The following PKHD1L1 variants were observed in gnomAD, a reference collection of about 807,000 sequenced individuals.
PKHD1L1 encodes PKHD1 like 1.
PKHD1L1 carries 434 observed loss-of-function variants against 462.9 expected under a neutral mutation model. The ratio of observed to expected loss-of-function variants is 0.94; its 90% CI spans 0.87 to 1.02. The LOEUF (loss-of-function observed/expected upper bound fraction) is 1.02, where lower values mean the gene tolerates loss of function less well. Ranked by LOEUF, PKHD1L1 falls within the 50% of genes least tolerant of loss-of-function variation. The pLI, the probability that PKHD1L1 is intolerant of heterozygous loss-of-function variation, is 0.00. For missense variants in PKHD1L1, 5,202 were observed against 5,096.1 expected (o/e 1.02, Z -0.63); for synonymous variants, 1,781 against 1,750.0 (o/e 1.02, Z -0.44).
intron 63 of PKHD1L1, among the ~76,000 whole-genome samples, chr8:109,495,242 C>T (rs1050803805): frequency 6.6e-6 from 1 of 151,986 alleles, no homozygotes; most frequent in Non-Finnish European, 1.5e-5. Flanking sequence ...TTCCCAACCA[C>T]TTAAAGTGGC....
Position 109,491,898 on chromosome 8 carries a change from C to A in PKHD1L1, c.10140C>A (p.Asn3380Lys), listed in dbSNP as rs773908905. 1 of 1,603,800 alleles carries A rather than the reference C, an allele frequency of 6.2e-7. No individual in the cohort carries two copies. Among genetic ancestry groups the A allele is most frequent in the Non-Finnish European group, 8.5e-7 (1 of 1,172,762 alleles). Residue 3380 changes from asparagine (N) to lysine (K), a missense_variant, in exon 62 of 78, where the codon AAC becomes AAA. Physicochemically the swap from Asn to Lys is moderately conservative, Grantham distance 94 (BLOSUM62 0). Transcript: ENST00000378402. ...GCATAAGAATATGGGGGAATGCCAA[C>A]CGAGTCCGAGGGAATTTGATTGCAC... ...GEGIRIWGNA[N>K]RVRGNLIALS...
At chr8:109,454,600 T>C (rs1222411866) in intron 44 of PKHD1L1, 123 bp from the exon 45 acceptor site, 1 of 1,366,130 alleles carries the variant, frequency 7.3e-7, no homozygotes, top group East Asian at 2.3e-5. Context: ...AAGAAAGATA[T>C]GAACAACTGA....
chr8:109,392,537 A>G (rs1383445221), intron 9 of PKHD1L1, among the ~76,000 whole-genome samples: 1 of 152,012 alleles, frequency 6.6e-6, no homozygotes, highest in East Asian at 1.9e-4. Flanking sequence ...CCCTTTGTAC[A>G]AATGTCTTAG....
chr8:109,489,124 T>C (rs1818699267), intron 59 of PKHD1L1, among the ~76,000 whole-genome samples: 1 of 152,012 alleles, frequency 6.6e-6, no homozygotes, highest in Admixed American at 6.6e-5. Flanking sequence ...CTCAACCATG[T>C]ATAGAAGAAT....
At chr8:109,370,961 A>G (rs1811476235) in intron 2 of PKHD1L1, among the ~76,000 whole-genome samples, 1 of 152,198 alleles carries the variant, frequency 6.6e-6, no homozygotes, top group African/African-American at 2.4e-5. Context: ...TAGTGCCGCA[A>G]TAAACATACG....
chr8:109,444,710 C>T lies in PKHD1L1; in HGVS notation c.4841C>T (p.Ser1614Leu). 6.2e-7 allele frequency: 1 copy of T among 1,613,764 alleles called. No individual in the cohort carries two copies. The highest frequency in any genetic ancestry group is 8.5e-7 in the Non-Finnish European group (1 of 1,179,694). ...GTCGTAGAAGAAAGTAGTGAGGATT[C>T]AATTACATGTCATATTGACCCTCAA... is the stretch of plus-strand genomic sequence containing the variant. ...PCVVEESSED[S>L]ITCHIDPQNS... Residue 1614 changes from serine to leucine, a missense_variant, in exon 38 of 78, where the codon TCA becomes TTA. Physicochemically the swap from Ser to Leu is moderately radical, Grantham distance 145 (BLOSUM62 -2). This residue lies in a region of PKHD1L1 where 4,497 missense variants were observed against 4,336.8 expected (regional missense o/e 1.04). Coordinates refer to ENST00000378402, the MANE Select transcript of PKHD1L1 (RefSeq NM_177531.6).
chr8:109,507,551 G>A, intron 68 of PKHD1L1, 112 bp from the exon 69 acceptor site: 1 of 894,062 alleles, frequency 1.1e-6, no homozygotes, highest in South Asian at 1.7e-5. Flanking sequence ...AAATCTCTCT[G>A]AAATAAAATT....
chr8:109,504,600 T>TA (rs1819600443), intron 68 of PKHD1L1, 108 bp downstream of exon 68: 1 of 590,714 alleles, frequency 1.7e-6, no homozygotes, highest in Non-Finnish European at 2.8e-6. Flanking sequence ...TGCCAGTTTT[T>TA]ATGATACTTT....
At chr8:109,438,272 A>G in intron 30 of PKHD1L1, 52 bp from the exon 31 acceptor site, 2 of 1,289,340 alleles carry the variant, frequency 1.6e-6, no homozygotes, top group South Asian at 3.2e-5. Flanking sequence ...CATCCCTTGC[A>G]TTTCTGTATC....
In PKHD1L1 at chr8:109,412,300, C is replaced by T. The variant is rs953905499; in HGVS notation, c.2121C>T (p.Thr707=). The part of the protein sequence containing the change: ...HINRGQKTAE[T]DAYCGRYSLK... ...ACAGAGGGCAGAAGACAGCTGAAAC[C>T]GATGCTTACTGTGGTCGTTATTCCC... is the stretch of plus-strand genomic sequence containing the variant. Residue 707 remains threonine (T), a synonymous_variant, in exon 20 of 78, where the codon ACC becomes ACT. Transcript: ENST00000378402. The T allele has an allele frequency of 3.7e-6, 6 of 1,613,560 alleles. No homozygotes were observed. The highest frequency in any genetic ancestry group is 2.2e-5 in the East Asian group (1 of 44,886).
At chr8:109,390,955 AACTCATATTTATG>A (rs1188780547) in intron 9 of PKHD1L1, among the ~76,000 whole-genome samples, 12 of 152,208 alleles carry the variant, frequency 7.9e-5, no homozygotes, top group Admixed American at 4.6e-4. Context: ...CAATATTAAT[AACTCATATTTATG>A]ACTTCTAATA....
chr8:109,519,079 T>C (rs774551993), intron 73 of PKHD1L1, among the ~76,000 whole-genome samples: 5 of 152,058 alleles, frequency 3.3e-5, no homozygotes, highest in Non-Finnish European at 7.4e-5. Flanking sequence ...AGCAGTAGAT[T>C]GGTGGGTTAG....
At position 109,419,263 on chromosome 8, in the gene PKHD1L1, A is replaced by T. The variant is rs772205262; in HGVS notation, c.2524+3A>T. ...ATCTACAATCTCAACATTGGATGGT[A>T]TGTTGTATCATTTTATCTCTGCTTT... is the stretch of plus-strand genomic sequence containing the variant. On this transcript the variant is annotated splice_donor_region_variant and intron_variant, in intron 22 of 77. Transcript: ENST00000378402. The T allele has an allele frequency of 2.5e-6, 4 of 1,576,896 alleles. No homozygotes were observed. Among genetic ancestry groups the T allele is most frequent in the Non-Finnish European group, 3.5e-6 (4 of 1,158,444 alleles).
intron 21 of PKHD1L1, among the ~76,000 whole-genome samples, chr8:109,414,332 T>C (rs1814015367): frequency 1.3e-5 from 2 of 152,158 alleles, no homozygotes; most frequent in African/African-American, 4.8e-5. Flanking sequence ...AAGTGCACAG[T>C]TTAGTGAGTT....
Position 109,466,603 on chromosome 8 carries a change from A to G in PKHD1L1, c.8439A>G (p.Pro2813=). 1.2e-6 allele frequency: 2 copies of G among 1,604,912 alleles called. No individual in the cohort carries two copies. The highest frequency in any genetic ancestry group is 1.7e-6 in the Non-Finnish European group (2 of 1,175,790). The change falls in exon 50 of 78, where the codon CCA becomes CCG. Residue 2813 remains proline, a synonymous_variant. Coordinates refer to ENST00000378402, the MANE Select transcript of PKHD1L1 (RefSeq NM_177531.6). ...LTGHKGHTVI[P]HSSLLDPSHC... ...GGCACAAAGGACATACCGTCATTCC[A>G]CACAGCTCATTGCTAGACCCTTCTC...
intron 29 of PKHD1L1, among the ~76,000 whole-genome samples, chr8:109,435,895 A>C (rs915126184): frequency 2.6e-5 from 4 of 151,944 alleles, no homozygotes; most frequent in Non-Finnish European, 5.9e-5. Flanking sequence ...ACATTATTTC[A>C]TCGCTTATTT....
rs371642363 is a variant in PKHD1L1, at chr8:109,504,493, G to A, written c.10994+1G>A. 14 of 1,455,440 alleles carry A rather than the reference G, an allele frequency of 9.6e-6. No homozygotes were observed. The highest frequency in any genetic ancestry group is 1.3e-5 in the Non-Finnish European group (14 of 1,089,622). The allele number at this position is 1,455,440 out of a possible 1,614,324, so 90.2% of individuals were successfully genotyped here. On this transcript the variant is annotated splice_donor_variant, in intron 68 of 77. Transcript: ENST00000378402. LOFTEE classifies it high-confidence loss of function. ...TATTTATACATAGGCCTGATATAAGGTAAAATACATAAAAATTGTGGTTTT... is the reference window on the plus strand; with the variant it reads ...TATTTATACATAGGCCTGATATAAGATAAAATACATAAAAATTGTGGTTTT...
chr8:109,423,705 G>A (rs60754015), intron 23 of PKHD1L1, among the ~76,000 whole-genome samples: 1,716 of 152,222 alleles, frequency 0.011, 23 homozygotes, highest in African/African-American at 0.036. Flanking sequence ...TCTATAGACT[G>A]TTTTGGAGAG....
intron 32 of PKHD1L1, 134 bp from the exon 33 acceptor site, chr8:109,440,576 T>A: frequency 1.5e-6 from 1 of 653,618 alleles, no homozygotes. Context: ...TGCCAGATTG[T>A]CTATCTTGAA....
Sources: gnomAD v4.1 joint callset for allele counts (sites outside exome capture counted in the v4.1 genomes callset) on GRCh38, gnomAD v4.1.1 for gene constraint, gnomAD v4.1.1 regional missense constraint, MANE v1.5 for transcripts, NCBI Gene and HGNC (gene_info 2026-07-23, HGNC 2026-07-21) for gene names.